Variants in DSCAM observed in about 807,000 individuals in gnomAD.
The protein encoded by DSCAM is DS cell adhesion molecule.
A neutral mutation model predicts 217.7 loss-of-function variants in DSCAM; 47 were observed. The observed-to-expected ratio is 0.22, with a 90% CI of 0.17 to 0.28. The LOEUF (loss-of-function observed/expected upper bound fraction) is 0.28, where lower values mean the gene tolerates loss of function less well. Ranked by LOEUF, DSCAM falls within the 10% of genes least tolerant of loss-of-function variation. DSCAM has a pLI of 1.00. For missense variants in DSCAM, 2,080 were observed against 2,618.3 expected (o/e 0.79, Z 4.49); for synonymous variants, 1,056 against 1,015.3 (o/e 1.04, Z -0.76).
chr21:40,432,543 T>C (rs1210968054), intron 3 of DSCAM, among the ~76,000 whole-genome samples: 1 of 152,188 alleles, frequency 6.6e-6, no homozygotes, highest in Non-Finnish European at 1.5e-5. Flanking sequence ...AAGTCCTTTT[T>C]CCCACGTAAA....
In DSCAM at chr21:40,419,968, G is replaced by C. The variant is rs145250248; in HGVS notation, c.509-50723C>G. Among the ~76,000 whole-genome samples the C allele has an allele frequency of 2.1e-3, 318 of 152,086 alleles. 1 individual carries two copies. The highest frequency in any genetic ancestry group is 7.3e-3 in the African/African-American group (303 of 41,508). ...ATATAAAATTTAAGAGTAATCATTA[G>C]AACAAATACTGAAGGAATGCTTTTG... On this transcript the variant is annotated intron_variant, in intron 3 of 32. Transcript: ENST00000400454.
At chr21:40,734,110 G>A (rs554910042) in intron 1 of DSCAM, among the ~76,000 whole-genome samples, 7 of 152,272 alleles carry the variant, frequency 4.6e-5, no homozygotes, top group African/African-American at 1.7e-4. Context: ...GCCCTGTGAG[G>A]ATTAACTTAG....
chr21:40,168,775 T>TA (rs2090624283), intron 15 of DSCAM, among the ~76,000 whole-genome samples: 1 of 152,092 alleles, frequency 6.6e-6, no homozygotes, highest in East Asian at 1.9e-4. Flanking sequence ...AAGTTCTGAG[T>TA]AGTAGCATGA....
At chr21:40,576,344 A>G (rs1044641597) in intron 3 of DSCAM, among the ~76,000 whole-genome samples, 4 of 152,236 alleles carry the variant, frequency 2.6e-5, no homozygotes, top group African/African-American at 9.6e-5. Context: ...CTATTTACAT[A>G]ACAGGTAAAA....
chr21:40,723,625 CATAA>C (rs1391860400), intron 1 of DSCAM, among the ~76,000 whole-genome samples: 20 of 152,090 alleles, frequency 1.3e-4, no homozygotes, highest in African/African-American at 3.9e-4. Context: ...TTATTGAATG[CATAA>C]ATAAATGTTT....
intron 1 of DSCAM, among the ~76,000 whole-genome samples, chr21:40,783,085 C>A (rs2091562791): frequency 6.6e-6 from 1 of 152,178 alleles, no homozygotes; most frequent in African/African-American, 2.4e-5. Context: ...CAACCAAATT[C>A]TTTACAGAAA....
intron 3 of DSCAM, among the ~76,000 whole-genome samples, chr21:40,487,326 TGAGAGAGA>T (rs10598197): frequency 1.6e-4 from 12 of 72,850 alleles, no homozygotes; most frequent in South Asian, 1.6e-3. Flanking sequence ...TGTGTGTGTG[TGAGAGAGA>T]GAGAGAGAGA....
chr21:40,145,976 G>GTGTATGTA (rs56725818), intron 16 of DSCAM, among the ~76,000 whole-genome samples: 23,623 of 110,324 alleles, frequency 0.21, 3,132 homozygotes, highest in African/African-American at 0.38. Flanking sequence ...ACACATACAT[G>GTGTATGTA]TGTATGTATG....
chr21:40,013,472 G>A (rs1279655937), intron 32 of DSCAM, 86 bp from the exon 33 acceptor site: 5 of 994,006 alleles, frequency 5.0e-6, no homozygotes, highest in East Asian at 2.7e-5. Flanking sequence ...GAAGCCATGC[G>A]GGCTTTAGAG....
intron 18 of DSCAM, among the ~76,000 whole-genome samples, chr21:40,136,396 G>A (rs1012474373): frequency 2.0e-5 from 3 of 152,130 alleles, no homozygotes; most frequent in Admixed American, 1.3e-4. Context: ...TGAGAGGATC[G>A]GTGGAGCCCA....
chr21:40,619,843 G>A (rs66744687), intron 3 of DSCAM, among the ~76,000 whole-genome samples: 13,190 of 129,488 alleles, frequency 0.1, 652 homozygotes, highest in South Asian at 0.17. Flanking sequence ...AGCATGTAAA[G>A]AAAAAAAAAA....
chr21:40,669,790 G>A (rs1454744332), intron 3 of DSCAM, among the ~76,000 whole-genome samples: 1 of 151,952 alleles, frequency 6.6e-6, no homozygotes, highest in Non-Finnish European at 1.5e-5. Context: ...TGTTGGCAGG[G>A]CTCATCTCGA....
At chr21:40,748,295 TATC>T (rs2091194554) in intron 1 of DSCAM, among the ~76,000 whole-genome samples, 2 of 151,492 alleles carry the variant, frequency 1.3e-5, no homozygotes, top group African/African-American at 2.4e-5. Flanking sequence ...TTGCAGACAA[TATC>T]ATCATAATTA....
chr21:40,387,177 G>T (rs1366860808), intron 3 of DSCAM, among the ~76,000 whole-genome samples: 1 of 151,790 alleles, frequency 6.6e-6, no homozygotes, highest in Non-Finnish European at 1.5e-5. Flanking sequence ...TAAAGGAAGA[G>T]GGGGGGTGAA....
chr21:40,217,483 G>A (rs892336972), intron 11 of DSCAM, among the ~76,000 whole-genome samples: 3 of 151,954 alleles, frequency 2.0e-5, no homozygotes, highest in African/African-American at 7.3e-5. Context: ...GTGTTATGGG[G>A]GTTTGTTGTA....
intron 15 of DSCAM, among the ~76,000 whole-genome samples, chr21:40,177,688 C>T (rs927283572): frequency 3.3e-5 from 5 of 152,160 alleles, no homozygotes; most frequent in South Asian, 2.1e-4. Flanking sequence ...AATGAAAACT[C>T]GAAAATAATT....
chr21:40,263,276 T>C (rs1368541155), intron 11 of DSCAM, among the ~76,000 whole-genome samples: 1 of 152,166 alleles, frequency 6.6e-6, no homozygotes, highest in Admixed American at 6.6e-5. Flanking sequence ...TGGTTATTTT[T>C]GAAATAGACA....
At chr21:40,038,158 T>G (rs946989504) in intron 32 of DSCAM, among the ~76,000 whole-genome samples, 1 of 150,422 alleles carries the variant, frequency 6.6e-6, no homozygotes, top group Non-Finnish European at 1.5e-5. Flanking sequence ...AAAGCCAAAA[T>G]TGACAAATGG....
At chr21:40,548,979 A>T (rs2076607340) in intron 3 of DSCAM, among the ~76,000 whole-genome samples, 1 of 152,198 alleles carries the variant, frequency 6.6e-6, no homozygotes, top group Non-Finnish European at 1.5e-5. Context: ...CAAGATGGGC[A>T]AACCACTTAA....
Sources: allele counts gnomAD v4.1 joint callset (sites outside exome capture counted in the v4.1 genomes callset), GRCh38; gene constraint gnomAD v4.1.1; transcripts MANE v1.5; gene names NCBI Gene and HGNC (gene_info 2026-07-23, HGNC 2026-07-21).